BMP2K: variants seen among roughly 807,000 people sequenced by gnomAD.
BMP2K encodes the protein BMP-2-inducible protein kinase.
BMP2K carries 74 observed loss-of-function variants against 116.0 expected under a neutral mutation model. The observed-to-expected ratio is 0.64, with a 90% confidence interval of 0.53 to 0.77. The LOEUF (loss-of-function observed/expected upper bound fraction) is 0.77, where lower values mean the gene tolerates loss of function less well. BMP2K is among the 30% of genes least tolerant of loss of function. BMP2K has a pLI of 0.00. For missense variants in BMP2K, 1,365 were observed against 1,403.6 expected (o/e 0.97, Z 0.44); for synonymous variants, 486 against 502.5 (o/e 0.97, Z 0.44).
chr4:78,834,210 G>T (rs1306389648), intron 3 of BMP2K, among the ~76,000 whole-genome samples: 1 of 150,876 alleles, frequency 6.6e-6, no homozygotes, highest in East Asian at 1.9e-4. Context: ...ATATTTACTT[G>T]TATAGCATAC....
chr4:78,783,343 TGTA>T (rs1727595522), intron 1 of BMP2K, among the ~76,000 whole-genome samples: 2 of 152,218 alleles, frequency 1.3e-5, no homozygotes, highest in Admixed American at 1.3e-4. Context: ...ATGTTATTAT[TGTA>T]GTGATAGCTC....
At chr4:78,816,166 C>T (rs1037324651) in intron 1 of BMP2K, among the ~76,000 whole-genome samples, 1 of 152,004 alleles carries the variant, frequency 6.6e-6, no homozygotes, top group African/African-American at 2.4e-5. Flanking sequence ...TTTTTGGTAA[C>T]GTGAAGTTAA....
chr4:78,848,134 A>C (rs1731094974), intron 6 of BMP2K, among the ~76,000 whole-genome samples: 1 of 151,582 alleles, frequency 6.6e-6, no homozygotes, highest in South Asian at 2.1e-4. Context: ...AAGTCTTGAG[A>C]GACAGATATT....
intron 7 of BMP2K, among the ~76,000 whole-genome samples, chr4:78,855,377 A>C (rs1731455538): frequency 6.6e-6 from 1 of 152,180 alleles, no homozygotes. Flanking sequence ...AAACCAAACA[A>C]ATTTTAAGCA....
At chr4:78,783,291 A>G (rs1013013319) in intron 1 of BMP2K, among the ~76,000 whole-genome samples, 12 of 152,210 alleles carry the variant, frequency 7.9e-5, no homozygotes, top group African/African-American at 2.4e-4. Flanking sequence ...AACAAAGGAC[A>G]CTATATACAA....
chr4:78,799,043 A>T (rs182102429), intron 1 of BMP2K, among the ~76,000 whole-genome samples: 29 of 152,342 alleles, frequency 1.9e-4, no homozygotes, highest in Admixed American at 1.8e-3. Flanking sequence ...TTTCTACTCC[A>T]CAGACAAATT....
chr4:78,910,897 C>G lies in BMP2K; in HGVS notation c.2350C>G (p.His784Asp). ...TGATACTGAACCAGAAAATCTGGGT[C>G]ATAGGCCTCTCCTCATGGATTCTGA... ...DDDTEPENLG[H>D]RPLLMDSEDE... is the part of the protein sequence containing the mutation. Residue 784 changes from histidine to aspartate, a missense_variant, in exon 16 of 16, where the codon CAT becomes GAT. Physicochemically the swap from His to Asp is moderately conservative, Grantham distance 81 (BLOSUM62 -1). This residue lies in a region of BMP2K where 596 missense variants were observed against 623.2 expected (regional missense o/e 0.96). Coordinates refer to ENST00000502613, the MANE Select transcript of BMP2K (RefSeq NM_198892.2). The G allele has an allele frequency of 6.2e-7, 1 of 1,613,908 alleles. No homozygotes were observed. The highest frequency in any genetic ancestry group is 8.5e-7 in the Non-Finnish European group (1 of 1,179,890).
intron 1 of BMP2K, among the ~76,000 whole-genome samples, chr4:78,792,977 T>A (rs1157877634): frequency 6.6e-6 from 1 of 151,996 alleles, no homozygotes; most frequent in African/African-American, 2.4e-5. Context: ...AAACAACATA[T>A]CATATAGATT....
chr4:78,806,431 G>A lies in BMP2K; in HGVS notation c.179-19606G>A, dbSNP rs1728824469. On this transcript the variant is annotated intron_variant, in intron 1 of 15. Coordinates refer to ENST00000502613, the MANE Select transcript of BMP2K (RefSeq NM_198892.2). Reference sequence around the variant, plus strand: ...GGCTTCAAGCAGTCCTCCTGCCTTGGCCTACCAGAGCACTGGGATTACAGG... The same window carrying A: ...GGCTTCAAGCAGTCCTCCTGCCTTGACCTACCAGAGCACTGGGATTACAGG... Among the ~76,000 whole-genome samples, 3 of 152,090 alleles carry A rather than the reference G, an allele frequency of 2.0e-5. 1 individual carries two copies. The South Asian group carries it at 6.2e-4, about 32-fold the overall frequency.
chr4:78,796,433 G>A (rs1410141211), intron 1 of BMP2K, among the ~76,000 whole-genome samples: 5 of 151,388 alleles, frequency 3.3e-5, no homozygotes, highest in African/African-American at 1.2e-4. Flanking sequence ...TATACCTAAT[G>A]CTAGATGACG....
At chr4:78,777,731 C>T (rs1727313457) in intron 1 of BMP2K, among the ~76,000 whole-genome samples, 1 of 152,150 alleles carries the variant, frequency 6.6e-6, no homozygotes, top group Non-Finnish European at 1.5e-5. Context: ...GAGCGTTAGA[C>T]GTTGATGTGG....
intron 2 of BMP2K, 46 bp from the exon 3 acceptor site, chr4:78,833,536 C>A: frequency 1.5e-6 from 2 of 1,300,676 alleles, no homozygotes; most frequent in South Asian, 1.3e-5. Context: ...AATTCTATAC[C>A]TTTAAATGTA....
chr4:78,879,099 A>G (rs552492296), intron 14 of BMP2K: 4 of 1,305,598 alleles, frequency 3.1e-6, no homozygotes, highest in Non-Finnish European at 1.9e-6. Context: ...ATTAAACCCA[A>G]TATTGCTGAT....
chr4:78,878,659 G>T, intron 13 of BMP2K, 75 bp from the exon 14 acceptor site: 1 of 1,180,794 alleles, frequency 8.5e-7, no homozygotes. Flanking sequence ...AAAGTATAAA[G>T]TAGGGCATTG....
chr4:78,861,409 T>C lies in BMP2K; in HGVS notation c.1008T>C (p.Ala336=). 4 of 1,607,108 alleles carry C rather than the reference T, an allele frequency of 2.5e-6. No homozygotes were observed. Among genetic ancestry groups the C allele is most frequent in the Non-Finnish European group, 3.4e-6 (4 of 1,175,988 alleles). The change falls in exon 9 of 16, where the codon GCT becomes GCC. Residue 336 remains alanine, a synonymous_variant. Coordinates refer to ENST00000502613, the MANE Select transcript of BMP2K (RefSeq NM_198892.2). ...SNINNSSIPS[A]LPEPMTASEA... ...CCAAGAATTCTTCTATTCCTTCAGC[T>C]CTTCCTGAACCGATGACTGCTAGTG... is the stretch of plus-strand genomic sequence containing the variant.
In BMP2K at chr4:78,797,528, T is replaced by C. The variant is rs138743114; in HGVS notation, c.178+20807T>C. ...CTTCAGGTTTAATAAATACTCTAGG[T>C]AATTCGGTAGTATTGGGATTTTGGT... is the stretch of plus-strand genomic sequence containing the variant. On this transcript the variant is annotated intron_variant, in intron 1 of 15. Coordinates refer to ENST00000502613, the MANE Select transcript of BMP2K (RefSeq NM_198892.2). Among the ~76,000 whole-genome samples, 416 of 152,324 alleles carry C rather than the reference T, an allele frequency of 2.7e-3. 3 individuals carry two copies. The highest frequency in any genetic ancestry group is 9.5e-3 in the African/African-American group (395 of 41,566).
intron 9 of BMP2K, among the ~76,000 whole-genome samples, chr4:78,863,351 A>G (rs754154527): frequency 1.3e-5 from 2 of 152,114 alleles, no homozygotes; most frequent in African/African-American, 2.4e-5. Flanking sequence ...TAGCAGTTTC[A>G]TTACCCACGT....
At chr4:78,787,533 A>G (rs1727787305) in intron 1 of BMP2K, among the ~76,000 whole-genome samples, 3 of 152,154 alleles carry the variant, frequency 2.0e-5, no homozygotes, top group Admixed American at 2.0e-4. Context: ...ACTGATCTTA[A>G]GAAAACAGTT....
At chr4:78,834,292 C>T (rs1176619176) in intron 3 of BMP2K, among the ~76,000 whole-genome samples, 4 of 148,272 alleles carry the variant, frequency 2.7e-5, no homozygotes, top group East Asian at 1.9e-4. Flanking sequence ...GACGGAGTCT[C>T]GCTCTGTCGC....
Sources: allele counts gnomAD v4.1 joint callset (sites outside exome capture counted in the v4.1 genomes callset), GRCh38; gene constraint gnomAD v4.1.1; regional missense constraint gnomAD v4.1.1; transcripts MANE v1.5; gene names NCBI Gene and HGNC (gene_info 2026-07-23, HGNC 2026-07-21).